The following SEMA3A variants were observed in gnomAD, a reference collection of about 807,000 sequenced individuals.
SEMA3A encodes the protein semaphorin 3A.
SEMA3A carries 29 observed loss-of-function variants against 97.9 expected under a neutral mutation model. The ratio of observed to expected loss-of-function variants is 0.30; its 90% CI spans 0.22 to 0.40. The LOEUF is 0.40. SEMA3A is among the 10% of genes least tolerant of loss of function. SEMA3A has a pLI of 1.00. For missense variants in SEMA3A, 763 were observed against 951.3 expected, an observed-to-expected ratio of 0.80 and a Z score of 2.60; for synonymous variants, 321 against 323.7, an observed-to-expected ratio of 0.99 and a Z score of 0.09.
At chr7:84,353,892 A>G (rs1802493767) in intron 2 of SEMA3A, among the ~76,000 whole-genome samples, 1 of 151,644 alleles carries the variant, frequency 6.6e-6, no homozygotes, top group Non-Finnish European at 1.5e-5. Flanking sequence ...TTTAAACTGT[A>G]TGTTACATTA....
intron 6 of SEMA3A, 89 bp from the exon 7 acceptor site, chr7:84,014,440 T>A (rs1791011550): frequency 3.1e-6 from 3 of 962,014 alleles, no homozygotes; most frequent in South Asian, 3.3e-5. Context: ...TTTTAACTCT[T>A]AATTGATATA....
At chr7:84,450,927 T>C (rs962501083) in intron 1 of SEMA3A, among the ~76,000 whole-genome samples, 2 of 152,162 alleles carry the variant, frequency 1.3e-5, no homozygotes, top group African/African-American at 4.8e-5. Context: ...AAATATATAG[T>C]CTGCCAAGTA....
chr7:84,091,332 G>A (rs1347321787), intron 4 of SEMA3A, among the ~76,000 whole-genome samples: 3 of 129,062 alleles, frequency 2.3e-5, no homozygotes, highest in East Asian at 2.3e-4. Context: ...AAGAGAGAGA[G>A]AGAAAGAGGA....
chr7:84,487,117 T>C (rs1398770112), intron 1 of SEMA3A, among the ~76,000 whole-genome samples: 4 of 152,098 alleles, frequency 2.6e-5, no homozygotes, highest in African/African-American at 7.2e-5. Context: ...TTTATACCCA[T>C]GCTTAAAAAA....
In SEMA3A at chr7:84,019,376, C is replaced by G. The variant is rs74505116; in HGVS notation, c.668-5025G>C. 1.6e-3 allele frequency among the ~76,000 whole-genome samples: 219 copies of G among 140,538 alleles called. 2 individuals carry two copies. The East Asian group carries it at 0.018, about 12-fold the overall frequency. 92.2% of individuals were successfully genotyped at this position (140,538 alleles called of 152,430 possible). On this transcript the variant is annotated intron_variant, in intron 6 of 16. Coordinates refer to ENST00000265362, the MANE Select transcript of SEMA3A (RefSeq NM_006080.3). ...AGCCAGTGGAGTGATTAGGAGTGTA[C>G]AGAGTAAAAAGAAAAAAAAAAAGAG...
At chr7:84,167,786 G>A (rs1353926430) in intron 1 of SEMA3A, among the ~76,000 whole-genome samples, 1 of 152,082 alleles carries the variant, frequency 6.6e-6, no homozygotes, top group African/African-American at 2.4e-5. Flanking sequence ...TAGGATAAAA[G>A]TTAGCATACT....
In SEMA3A at chr7:84,143,989, AC is replaced by A. The variant is rs1160353028; in HGVS notation, c.113-9039del. Among the ~76,000 whole-genome samples, 6 of 146,892 alleles carry A rather than the reference AC, an allele frequency of 4.1e-5. No homozygotes were observed. The South Asian group carries it at 1.1e-3, about 27-fold the overall frequency. ...CACACACACACACACACACACACACACACACAATTTATTGTGTATGCATTAT... is the reference window on the plus strand; with the variant it reads ...CACACACACACACACACACACACACAACACAATTTATTGTGTATGCATTAT... On this transcript the variant is annotated intron_variant, in intron 1 of 16. Transcript: ENST00000265362.
intron 2 of SEMA3A, among the ~76,000 whole-genome samples, chr7:84,362,464 A>T (rs191501018): frequency 6.6e-6 from 1 of 152,146 alleles, no homozygotes; most frequent in African/African-American, 2.4e-5. Flanking sequence ...TTCTAAAAAC[A>T]TCAGAGAGAT....
At chr7:84,137,807 T>C (rs958436990) in intron 1 of SEMA3A, among the ~76,000 whole-genome samples, 1 of 151,548 alleles carries the variant, frequency 6.6e-6, no homozygotes, top group African/African-American at 2.4e-5. Flanking sequence ...TGCAAATGCA[T>C]AGAAACTACA....
chr7:84,319,341 C>T (rs1321660785), intron 2 of SEMA3A, among the ~76,000 whole-genome samples: 1 of 151,760 alleles, frequency 6.6e-6, no homozygotes, highest in African/African-American at 2.4e-5. Flanking sequence ...TAAGAAAGGG[C>T]AATTTTTGTA....
At chr7:84,264,122 CTTT>C (rs1255977102) in intron 3 of SEMA3A, among the ~76,000 whole-genome samples, 2 of 151,954 alleles carry the variant, frequency 1.3e-5, no homozygotes, top group South Asian at 2.1e-4. Flanking sequence ...TTTGAATTGT[CTTT>C]TTTATTTTAA....
chr7:84,317,921 C>T (rs1224816616), intron 2 of SEMA3A, among the ~76,000 whole-genome samples: 2 of 151,936 alleles, frequency 1.3e-5, no homozygotes, highest in Non-Finnish European at 2.9e-5. Flanking sequence ...TATCTAGAGA[C>T]AACTGGTGTA....
intron 3 of SEMA3A, among the ~76,000 whole-genome samples, chr7:84,297,223 G>A (rs1424432829): frequency 2.0e-5 from 3 of 151,968 alleles, no homozygotes; most frequent in East Asian, 1.9e-4. Flanking sequence ...GTGATCTGCC[G>A]GCCTTGGCCT....
chr7:84,240,586 G>T (rs1464342723), intron 3 of SEMA3A, among the ~76,000 whole-genome samples: 1 of 152,132 alleles, frequency 6.6e-6, no homozygotes, highest in African/African-American at 2.4e-5. Context: ...TTAGAGCCTC[G>T]CAAAGAAGCA....
chr7:84,161,325 T>C (rs1797027864), intron 1 of SEMA3A, among the ~76,000 whole-genome samples: 1 of 151,894 alleles, frequency 6.6e-6, no homozygotes, highest in Non-Finnish European at 1.5e-5. Context: ...GATCACGCCA[T>C]TGCACTCCAG....
At chr7:84,426,072 A>C (rs1286097643) in intron 1 of SEMA3A, among the ~76,000 whole-genome samples, 2 of 148,316 alleles carry the variant, frequency 1.3e-5, no homozygotes, top group Non-Finnish European at 3.0e-5. Context: ...ACTTAGACTC[A>C]GGAAGGGAAG....
intron 15 of SEMA3A, among the ~76,000 whole-genome samples, chr7:83,967,405 C>T (rs189611181): frequency 1.1e-4 from 17 of 152,228 alleles, no homozygotes; most frequent in African/African-American, 3.1e-4. Context: ...AATAATATTT[C>T]GGTTCCTATC....
At position 83,973,373 on chromosome 7, in the gene SEMA3A, C is replaced by T. The variant is rs114481789; in HGVS notation, c.1717+3759G>A. ...TGCTGGGATCATCTAGTAGACTGAC[C>T]ATCTTCAGCAGTTTTTTTTTTCTTA... On this transcript the variant is annotated intron_variant, in intron 15 of 16. Transcript: ENST00000265362. Among the ~76,000 whole-genome samples, 811 of 151,796 alleles carry T rather than the reference C, an allele frequency of 5.3e-3. 10 individuals carry two copies. Among genetic ancestry groups the T allele is most frequent in the African/African-American group, 0.019 (772 of 41,410 alleles).
intron 2 of SEMA3A, among the ~76,000 whole-genome samples, chr7:84,315,390 C>T (rs1221311429): frequency 6.6e-6 from 1 of 151,976 alleles, no homozygotes; most frequent in South Asian, 2.1e-4. Flanking sequence ...GGATGATCGA[C>T]ACAATAACAA....
Sources: allele counts gnomAD v4.1 joint callset (sites outside exome capture counted in the v4.1 genomes callset), GRCh38; gene constraint gnomAD v4.1.1; transcripts MANE v1.5; gene names NCBI Gene and HGNC (gene_info 2026-07-23, HGNC 2026-07-21).